The following RAB22A variants were observed in gnomAD, a reference collection of about 807,000 sequenced individuals.
RAB22A encodes RAB22A, member RAS oncogene family.
Under a neutral mutation model 30.2 loss-of-function variants are expected in RAB22A, and 13 were observed. That is an observed-to-expected ratio of 0.43 (90% CI 0.28 to 0.68). RAB22A has a LOEUF of 0.68. Among genes scored for constraint, RAB22A ranks in the 30% least tolerant of loss-of-function variants. The probability of loss-of-function intolerance (pLI) is 0.18; values close to 1 mark genes in which losing one functional copy is unlikely to be tolerated. For missense variants in RAB22A, 177 were observed against 246.8 expected (o/e 0.72, Z 1.89); for synonymous variants, 89 against 87.2 (o/e 1.02, Z -0.11).
chr20:58,361,022 C>G lies in RAB22A; in HGVS notation c.*1319C>G, dbSNP rs2122976205. 6.6e-6 allele frequency: 1 copy of G among 152,668 alleles called. No homozygotes were observed. Among genetic ancestry groups the G allele is most frequent in the Non-Finnish European group, 1.5e-5 (1 of 68,012 alleles). The allele number at this position is 152,668 out of a possible 1,614,324, so 9.5% of individuals were successfully genotyped here. A position where few individuals can be genotyped will look rare whatever the true frequency, so the allele number is the denominator to read the frequency against. On this transcript the variant is annotated 3_prime_UTR_variant, in exon 7 of 7. Transcript: ENST00000244040. ...CTTGTTAACAATTTAGCTTATCTTT[C>G]TGTTTCCTTTATTTTTCCCCTGCCT...
chr20:58,318,005 G>A (rs981041815), intron 2 of RAB22A, among the ~76,000 whole-genome samples: 1 of 152,054 alleles, frequency 6.6e-6, no homozygotes, highest in Non-Finnish European at 1.5e-5. Flanking sequence ...ACAATAGCAC[G>A]AGCAGTACGC....
At chr20:58,343,850 C>A in intron 3 of RAB22A, 51 bp downstream of exon 3, 1 of 1,385,956 alleles carries the variant, frequency 7.2e-7, no homozygotes, top group Non-Finnish European at 1.0e-6. Flanking sequence ...AATGAAAGTT[C>A]CAACTAAACT....
chr20:58,358,311 T>C (rs1987165983), intron 6 of RAB22A, among the ~76,000 whole-genome samples: 1 of 152,188 alleles, frequency 6.6e-6, no homozygotes. Context: ...CAGAGAGTAA[T>C]TTGGCAGCAT....
chr20:58,338,774 T>C (rs1986805840), intron 2 of RAB22A, among the ~76,000 whole-genome samples: 1 of 152,250 alleles, frequency 6.6e-6, no homozygotes, highest in Non-Finnish European at 1.5e-5. Flanking sequence ...AACTTCTAGA[T>C]GTCATGTGCC....
chr20:58,317,681 C>T (rs556322341), intron 2 of RAB22A, among the ~76,000 whole-genome samples: 31 of 151,212 alleles, frequency 2.1e-4, no homozygotes, highest in Middle Eastern at 6.8e-3. Flanking sequence ...GCCTCAGCCT[C>T]CCGAGTAGCT....
chr20:58,350,016 C>G (rs886232892), intron 3 of RAB22A, among the ~76,000 whole-genome samples: 2 of 152,022 alleles, frequency 1.3e-5, no homozygotes, highest in African/African-American at 4.8e-5. Context: ...AATCCCAGCA[C>G]TTTGGAAGGC....
chr20:58,329,067 T>TG (rs1986619077), intron 2 of RAB22A, among the ~76,000 whole-genome samples: 1 of 151,568 alleles, frequency 6.6e-6, no homozygotes, highest in South Asian at 2.1e-4. Flanking sequence ...TTTTTTTTTT[T>TG]TTTTGAGGCA....
At chr20:58,310,911 G>A (rs1173974515) in intron 1 of RAB22A, 132 bp from the exon 2 acceptor site, 1 of 724,290 alleles carries the variant, frequency 1.4e-6, no homozygotes, top group Non-Finnish European at 2.4e-6. Flanking sequence ...AACCGCTTTT[G>A]TGTTCCTCCG....
At position 58,361,743 on chromosome 20, in the gene RAB22A, C is replaced by T. The variant is rs1488303470; in HGVS notation, c.*2040C>T. 1.3e-5 allele frequency: 2 copies of T among 152,110 alleles called. No individual in the cohort carries two copies. Among genetic ancestry groups the T allele is most frequent in the Admixed American group, 1.3e-4 (2 of 15,272 alleles). The allele number at this position is 152,110 out of a possible 1,614,324, so 9.4% of individuals were successfully genotyped here. A position where few individuals can be genotyped will look rare whatever the true frequency, so the allele number is the denominator to read the frequency against. On this transcript the variant is annotated 3_prime_UTR_variant, in exon 7 of 7. Transcript: ENST00000244040. Reference sequence around the variant, plus strand: ...TTGACTCATTACCAAAGAGGCAAAGCATGTGCGACCCTTTCTGTCTTATTT... The same window carrying T: ...TTGACTCATTACCAAAGAGGCAAAGTATGTGCGACCCTTTCTGTCTTATTT...
chr20:58,327,533 C>G (rs545941191), intron 2 of RAB22A, among the ~76,000 whole-genome samples: 1 of 152,284 alleles, frequency 6.6e-6, no homozygotes, highest in East Asian at 1.9e-4. Context: ...TAACTTTCCA[C>G]AGAGCAAATG....
rs1290948875 is a variant in RAB22A, at chr20:58,366,647, A to C, written c.*6944A>C. 6.6e-6 allele frequency: 1 copy of C among 152,228 alleles called. No homozygotes were observed. The highest frequency in any genetic ancestry group is 2.1e-4 in the South Asian group (1 of 4,828). 9.4% of individuals were successfully genotyped at this position (152,228 alleles called of 1,614,324 possible). A position where few individuals can be genotyped will look rare whatever the true frequency, so the allele number is the denominator to read the frequency against. On this transcript the variant is annotated 3_prime_UTR_variant, in exon 7 of 7. Transcript: ENST00000244040. ...AAAAACCGGCCAGAGCATTAAAACA[A>C]ATAAAATAAGAAACACAGAGGCCAG...
intron 2 of RAB22A, among the ~76,000 whole-genome samples, chr20:58,313,265 G>C (rs1333091125): frequency 6.6e-6 from 1 of 152,116 alleles, no homozygotes; most frequent in Non-Finnish European, 1.5e-5. Context: ...CAGGAGATTT[G>C]GCTCACATTT....
intron 2 of RAB22A, among the ~76,000 whole-genome samples, chr20:58,318,709 A>G (rs1390973488): frequency 1.3e-5 from 2 of 152,134 alleles, no homozygotes; most frequent in African/African-American, 4.8e-5. Flanking sequence ...GAATTTTGCC[A>G]TCCTCCTCCT....
At chr20:58,343,115 G>C (rs1049501834) in intron 2 of RAB22A, among the ~76,000 whole-genome samples, 2 of 152,152 alleles carry the variant, frequency 1.3e-5, no homozygotes, top group African/African-American at 4.8e-5. Flanking sequence ...TTGAACTTCA[G>C]CTGAGAAACC....
In RAB22A at chr20:58,365,052, A is replaced by G. The variant is rs1987291746; in HGVS notation, c.*5349A>G. 6.6e-6 allele frequency: 1 copy of G among 152,078 alleles called. No homozygotes were observed. Among genetic ancestry groups the G allele is most frequent in the Admixed American group, 6.6e-5 (1 of 15,244 alleles). 9.4% of individuals were successfully genotyped at this position (152,078 alleles called of 1,614,324 possible). On this transcript the variant is annotated 3_prime_UTR_variant, in exon 7 of 7. Coordinates refer to ENST00000244040, the MANE Select transcript of RAB22A (RefSeq NM_020673.3). ...GCCCAACCAGTAACGATTTTTTTAA[A>G]GGGCCTTTCTTAATTGACAGTTTTA...
chr20:58,338,788 G>C (rs116242656), intron 2 of RAB22A, among the ~76,000 whole-genome samples: 194 of 152,258 alleles, frequency 1.3e-3, no homozygotes, highest in African/African-American at 4.5e-3. Flanking sequence ...ATGTGCCTTT[G>C]GTCTTTTTAT....
At chr20:58,315,434 C>T (rs1400611243) in intron 2 of RAB22A, among the ~76,000 whole-genome samples, 1 of 152,184 alleles carries the variant, frequency 6.6e-6, no homozygotes, top group African/African-American at 2.4e-5. Context: ...AAGGGCTCGC[C>T]TGTGTCGTAT....
At chr20:58,346,327 C>T (rs1023711926) in intron 3 of RAB22A, among the ~76,000 whole-genome samples, 1 of 152,198 alleles carries the variant, frequency 6.6e-6, no homozygotes, top group African/African-American at 2.4e-5. Context: ...TCCCACTGCA[C>T]CTCTCATAAC....
chr20:58,351,935 A>G (rs1393716615), intron 3 of RAB22A, among the ~76,000 whole-genome samples: 2 of 152,246 alleles, frequency 1.3e-5, no homozygotes, highest in African/African-American at 4.8e-5. Flanking sequence ...TGTGCTGGTT[A>G]TAAGAGGACT....
Sources: gnomAD v4.1 joint callset for allele counts (sites outside exome capture counted in the v4.1 genomes callset) on GRCh38, gnomAD v4.1.1 for gene constraint, MANE v1.5 for transcripts, NCBI Gene and HGNC (gene_info 2026-07-23, HGNC 2026-07-21) for gene names.